The following TPPP2 variants were observed in gnomAD, a reference collection of about 807,000 sequenced individuals.
The protein encoded by TPPP2 is tubulin polymerization-promoting protein family member 2.
In TPPP2, 8 loss-of-function variants were observed where a neutral mutation model predicts 13.0. The observed-to-expected ratio is 0.62, with a 90% CI of 0.36 to 1.11. The LOEUF (loss-of-function observed/expected upper bound fraction) is 1.11. Among genes scored for constraint, TPPP2 ranks in the 50% most tolerant of loss-of-function variants. The pLI, the probability that TPPP2 is intolerant of heterozygous loss-of-function variation, is 0.02. For synonymous variants in TPPP2, 81 were observed against 81.8 expected, an observed-to-expected ratio of 0.99 and a Z score of 0.05; for missense variants, 213 against 216.9, an observed-to-expected ratio of 0.98 and a Z score of 0.11.
Position 21,030,534 on chromosome 14 carries a change from C to T in TPPP2, c.-48C>T. ...ACAGTCCTCCCTCCCCCTTCTCCTTCACCCCCAAGTGTCTCCCACGACTGC... is the reference window on the plus strand; with the variant it reads ...ACAGTCCTCCCTCCCCCTTCTCCTTTACCCCCAAGTGTCTCCCACGACTGC... On this transcript the variant is annotated 5_prime_UTR_variant, in exon 2 of 4. Transcript: ENST00000321760. 6.3e-7 allele frequency: 1 copy of T among 1,584,766 alleles called. No homozygotes were observed. Among genetic ancestry groups the T allele is most frequent in the Non-Finnish European group, 8.6e-7 (1 of 1,162,662 alleles).
Position 21,030,739 on chromosome 14 carries a change from T to C in TPPP2, c.158T>C (p.Val53Ala), listed in dbSNP as rs1371907998. The C allele has an allele frequency of 1.2e-6, 2 of 1,613,880 alleles. No homozygotes were observed. The highest frequency in any genetic ancestry group is 3.3e-5 in the Admixed American group (2 of 59,988). The change falls in exon 2 of 4, where the codon GTG becomes GCG. Residue 53 changes from valine (V) to alanine (A), a missense_variant. By Grantham distance (64) the Val-to-Ala change is moderately conservative. Coordinates refer to ENST00000321760, the MANE Select transcript of TPPP2 (RefSeq NM_173846.5). ...KTVTSTDVDI[V>A]FSKVKAKNAR... is the part of the protein sequence containing the mutation. ...GTCACCTCCACGGACGTGGACATCGTGTTCAGCAAAGTCAAGTGAGGAGCC... is the reference window on the plus strand; with the variant it reads ...GTCACCTCCACGGACGTGGACATCGCGTTCAGCAAAGTCAAGTGAGGAGCC...
At chr14:21,030,982 A>G (rs1003444531) in intron 2 of TPPP2, 30 bp from the exon 3 acceptor site, 7 of 1,582,416 alleles carry the variant, frequency 4.4e-6, no homozygotes, top group Non-Finnish European at 6.0e-6. Context: ...TCATGCTCCA[A>G]AGTTTCTGGA....
downstream of TPPP2, chr14:21,032,916 C>T: frequency 2.2e-6 from 1 of 455,622 alleles, no homozygotes. Flanking sequence ...CCCAGTTTCC[C>T]CCAATGGTTA....
chr14:21,025,785 A>T (rs1883522978), upstream of TPPP2: 1 of 701,266 alleles, frequency 1.4e-6, no homozygotes, highest in Non-Finnish European at 1.7e-6. The surrounding 1 kb of genome is among the most constrained non-coding windows in gnomAD (Gnocchi z 5.1). Context: ...CGCTATAAAT[A>T]GAGGGCGATC....
chr14:21,031,071 G>A lies in TPPP2; in HGVS notation c.233G>A (p.Gly78Asp), dbSNP rs375701695. 6 of 1,614,042 alleles carry A rather than the reference G, an allele frequency of 3.7e-6. No individual in the cohort carries two copies. Among genetic ancestry groups the A allele is most frequent in the African/African-American group, 1.3e-5 (1 of 74,920 alleles). ...QQFKEAVKEL[G>D]QKRFKGKSPD... The stretch of plus-strand genomic sequence containing the variant: ...TTCAAAGAGGCAGTGAAGGAACTGG[G>A]CCAGAAGCGCTTCAAAGGGAAGAGT... The change falls in exon 3 of 4, where the codon GGC (glycine) becomes GAC (aspartate). Residue 78 changes from glycine to aspartate, a missense_variant. By Grantham distance (94) the Gly-to-Asp change is moderately conservative. Coordinates refer to ENST00000321760, the MANE Select transcript of TPPP2 (RefSeq NM_173846.5).
upstream of TPPP2, among the ~76,000 whole-genome samples, chr14:21,027,434 C>T (rs1268333454): frequency 6.6e-6 from 1 of 152,222 alleles, no homozygotes; most frequent in African/African-American, 2.4e-5. Flanking sequence ...GACATTTTGA[C>T]ATTTGTCAAG....
At chr14:21,032,997 C>T (rs1322659847), downstream of TPPP2, 1 of 455,774 alleles carries the variant, frequency 2.2e-6, no homozygotes, top group Non-Finnish European at 4.4e-6. Flanking sequence ...CATTCGCTGC[C>T]TGGTCAGGGG....
chr14:21,031,116 A>G lies in TPPP2; in HGVS notation c.278A>G (p.Asn93Ser). The G allele has an allele frequency of 6.2e-7, 1 of 1,614,170 alleles. No homozygotes were observed. Among genetic ancestry groups the G allele is most frequent in the Non-Finnish European group, 8.5e-7 (1 of 1,180,018 alleles). Residue 93 changes from asparagine to serine, a missense_variant, in exon 3 of 4, where the codon AAC becomes AGC. By Grantham distance (46) the Asn-to-Ser change is conservative. Coordinates refer to ENST00000321760, the MANE Select transcript of TPPP2 (RefSeq NM_173846.5). ...KGKSPDEVLE[N>S]IYGLMEGKDP... ...AAGAGTCCAGATGAAGTCCTGGAGA[A>G]CATTTATGGACTCATGGAGGGCAAA...
At position 21,025,169 on chromosome 14, in the gene TPPP2, C is replaced by T. The variant is rs1883254033; in HGVS notation, n.236+825C>T. 1 of 926,498 alleles carries T rather than the reference C, an allele frequency of 1.1e-6. No individual in the cohort carries two copies. The highest frequency in any genetic ancestry group is 1.3e-6 in the Non-Finnish European group (1 of 776,014). The allele number at this position is 926,498 out of a possible 1,614,324, so 57.4% of individuals were successfully genotyped here. A position where few individuals can be genotyped will look rare whatever the true frequency, so the allele number is the denominator to read the frequency against. Reference sequence around the variant, plus strand: ...TCCCCGCAGACCCGCCCCAGACCCCCAGTAAACACGCCCCCCCTTTCACCC... The same window carrying T: ...TCCCCGCAGACCCGCCCCAGACCCCTAGTAAACACGCCCCCCCTTTCACCC... On this transcript the variant is annotated intron_variant and non_coding_transcript_variant, in intron 1 of 1. Coordinates refer to the TPPP2 transcript ENST00000533755. The surrounding 1 kb of genome is among the most constrained non-coding windows in gnomAD (Gnocchi z 5.1).
chr14:21,036,207 G>T (rs536979745), downstream of TPPP2: 3 of 456,056 alleles, frequency 6.6e-6, no homozygotes, highest in East Asian at 6.9e-5. Context: ...CTCTCGTCTC[G>T]CCTGGACAGC....
At chr14:21,032,896 G>C, downstream of TPPP2, 1 of 454,338 alleles carries the variant, frequency 2.2e-6, no homozygotes, top group South Asian at 1.6e-5. Flanking sequence ...GGGGGCTCGT[G>C]TGCCCTTCAC....
downstream of TPPP2, chr14:21,032,821 G>C: frequency 2.5e-6 from 1 of 404,540 alleles, no homozygotes; most frequent in South Asian, 1.8e-5. Context: ...AGTCAGATGT[G>C]TGTTATTAAC....
upstream of TPPP2, among the ~76,000 whole-genome samples, chr14:21,026,191 G>A (rs1416432774): frequency 2.0e-5 from 3 of 152,088 alleles, no homozygotes; most frequent in Admixed American, 6.5e-5. Flanking sequence ...CTCTCCTTGT[G>A]CCCCTCGGAG....
At chr14:21,035,534 T>A (rs549187937), downstream of TPPP2, among the ~76,000 whole-genome samples, 2 of 152,192 alleles carry the variant, frequency 1.3e-5, no homozygotes, top group African/African-American at 2.4e-5. Flanking sequence ...CTGCAAGGTG[T>A]CTTCCAGATT....
At chr14:21,031,848 G>C in intron 3 of TPPP2, 44 bp from the exon 4 acceptor site, 2 of 1,592,148 alleles carry the variant, frequency 1.3e-6, no homozygotes, top group Non-Finnish European at 1.7e-6. Flanking sequence ...GGATATGACA[G>C]CGTAAGGAAA....
upstream of TPPP2, chr14:21,025,636 G>C (rs1883473720): frequency 2.0e-6 from 2 of 985,342 alleles, no homozygotes; most frequent in African/African-American, 3.5e-5. The surrounding 1 kb of genome is among the most constrained non-coding windows in gnomAD (Gnocchi z 5.1). Flanking sequence ...AACGTCGAGG[G>C]CGCAGGAGTT....
chr14:21,034,132 T>C, downstream of TPPP2: 1 of 1,614,184 alleles, frequency 6.2e-7, no homozygotes, highest in African/African-American at 1.3e-5. Context: ...ATCAGACCAT[T>C]ACAATAGCCC....
upstream of TPPP2, chr14:21,025,338 T>A: frequency 1.0e-6 from 1 of 983,224 alleles, no homozygotes; most frequent in South Asian, 4.7e-5. This position sits in a 1 kb window ranked among gnomAD's most constrained non-coding sequence, Gnocchi z 5.1. Flanking sequence ...AGTGCGGGGA[T>A]CCCTCAGCCC....
At position 21,032,181 on chromosome 14, in the gene TPPP2, G is replaced by T; in HGVS notation, c.*104G>T. ...TGTGTGTGCAGCAGCCAAAATCTCT[G>T]TCTGTGAGGGACAGATGAGCCTACT... On this transcript the variant is annotated 3_prime_UTR_variant, in exon 4 of 4. Transcript: ENST00000321760. The T allele has an allele frequency of 8.3e-7, 1 of 1,206,366 alleles. No individual in the cohort carries two copies. Among genetic ancestry groups the T allele is most frequent in the Admixed American group, 1.8e-5 (1 of 54,600 alleles). 74.7% of individuals were successfully genotyped at this position (1,206,366 alleles called of 1,614,324 possible).
Sources: gnomAD v4.1 joint callset for allele counts (sites outside exome capture counted in the v4.1 genomes callset) on GRCh38, gnomAD v4.1.1 for gene constraint, Gnocchi (gnomAD v3.1) non-coding constraint, MANE v1.5 for transcripts, NCBI Gene and HGNC (gene_info 2026-07-23, HGNC 2026-07-21) for gene names.